Variants in GFRA3 observed in about 807,000 individuals in gnomAD.
GFRA3 encodes GDNF family receptor alpha-3.
In GFRA3, 24 loss-of-function variants were observed where a neutral mutation model predicts 40.0. The ratio of observed to expected loss-of-function variants is 0.60; its 90% CI spans 0.43 to 0.84. The LOEUF (loss-of-function observed/expected upper bound fraction) is 0.84, where lower values mean the gene tolerates loss of function less well. Ranked by LOEUF, GFRA3 falls within the 40% of genes least tolerant of loss-of-function variation. The pLI is 0.00. For synonymous variants in GFRA3, 203 were observed against 213.5 expected, an observed-to-expected ratio of 0.95 and a Z score of 0.43; for missense variants, 405 against 530.6, an observed-to-expected ratio of 0.76 and a Z score of 2.33.
intron 4 of GFRA3, among the ~76,000 whole-genome samples, chr5:138,255,849 G>A (rs1020536300): frequency 4.0e-5 from 6 of 149,972 alleles, no homozygotes; most frequent in Admixed American, 3.4e-4. Flanking sequence ...GCAGTAAGCC[G>A]AGATCACAAC....
Position 138,264,269 on chromosome 5 carries a change from C to A in GFRA3, c.371G>T (p.Arg124Leu). 1 of 1,593,720 alleles carries A rather than the reference C, an allele frequency of 6.3e-7. No homozygotes were observed. The highest frequency in any genetic ancestry group is 8.6e-7 in the Non-Finnish European group (1 of 1,164,454). The change falls in exon 2 of 8, where the codon CGC becomes CTC. Residue 124 changes from arginine (R) to leucine (L), a missense_variant. Transcript: ENST00000274721. ...LDIYWTVHRARSLGNYELDVS... is the reference protein window; with the variant it reads ...LDIYWTVHRALSLGNYELDVS... The stretch of plus-strand genomic sequence containing the variant: ...TATAATGGGAGCCTCACCAAGGCTG[C>A]GGGCACGGTGAACGGTCCAATAGAT...
intron 3 of GFRA3, among the ~76,000 whole-genome samples, chr5:138,259,212 TC>T (rs1554110345): frequency 6.6e-6 from 1 of 152,188 alleles, no homozygotes; most frequent in Non-Finnish European, 1.5e-5. Context: ...AAGGCTACTT[TC>T]CCAGCTGCCT....
intron 2 of GFRA3, among the ~76,000 whole-genome samples, chr5:138,261,623 G>T (rs1755711311): frequency 6.8e-6 from 1 of 146,624 alleles, no homozygotes; most frequent in Non-Finnish European, 1.5e-5. Flanking sequence ...GAACCCGGGA[G>T]GCAGAGGTTG....
chr5:138,268,461 T>G (rs1581513833), intron 1 of GFRA3, among the ~76,000 whole-genome samples: 1 of 147,788 alleles, frequency 6.8e-6, no homozygotes, highest in African/African-American at 2.5e-5. Context: ...ACTAAAGAGC[T>G]TTTGCACAGC....
intron 1 of GFRA3, among the ~76,000 whole-genome samples, chr5:138,271,909 T>TGTG (rs61550132): frequency 1.4e-4 from 14 of 99,690 alleles, no homozygotes; most frequent in South Asian, 8.7e-4. Flanking sequence ...TTTTTTTTTT[T>TGTG]TTTTTGTGTG....
chr5:138,274,506 TC>T lies in GFRA3; in HGVS notation c.-83del. ...GAGCGGGGCTCCCTCGACCGGCACC[TC>T]CCGCCCCCGCCTCCCGCCCTCCAGC... On this transcript the variant is annotated 5_prime_UTR_variant, in exon 1 of 8. Transcript: ENST00000274721. 1 of 1,236,894 alleles carries T rather than the reference TC, an allele frequency of 8.1e-7. No individual in the cohort carries two copies. Among genetic ancestry groups the T allele is most frequent in the Non-Finnish European group, 1.0e-6 (1 of 989,216 alleles). The allele number at this position is 1,236,894 out of a possible 1,614,324, so 76.6% of individuals were successfully genotyped here. A position where few individuals can be genotyped will look rare whatever the true frequency, so the allele number is the denominator to read the frequency against.
At chr5:138,272,479 CA>C (rs1280705212) in intron 1 of GFRA3, among the ~76,000 whole-genome samples, 1 of 148,532 alleles carries the variant, frequency 6.7e-6, no homozygotes, top group Non-Finnish European at 1.5e-5. Context: ...CCCGTCTCTA[CA>C]AAAAATACAA....
intron 2 of GFRA3, among the ~76,000 whole-genome samples, chr5:138,263,732 G>A (rs958567359): frequency 2.0e-5 from 3 of 152,208 alleles, no homozygotes; most frequent in African/African-American, 4.8e-5. Context: ...GCAAGTCACT[G>A]TTTTGTTACA....
chr5:138,261,693 C>CAAAAAAAAAAAAAAAAAAAAAA (rs70979598), intron 2 of GFRA3, among the ~76,000 whole-genome samples: 1 of 46,376 alleles, frequency 2.2e-5, no homozygotes, highest in Non-Finnish European at 3.8e-5. Context: ...GACTCTGTCT[C>CAAAAAAAAAAAAAAAAAAAAAA]AAAAAAAAAA....
Position 138,257,782 on chromosome 5 carries a change from G to A in GFRA3, c.642C>T (p.Gly214=), listed in dbSNP as rs376930738. 7.4e-6 allele frequency: 12 copies of A among 1,612,486 alleles called. No homozygotes were observed. The highest frequency in any genetic ancestry group is 8.5e-6 in the Non-Finnish European group (10 of 1,179,282). ...FEKAAEPHAQ[G]LLLCPCAPND... is the part of the protein sequence containing the mutation. ...TGGGGGCACATGGGCACAGTAGCAG[G>A]CCCTGCGCGTGGGGCTCGGCGGCCT... Residue 214 remains glycine, a synonymous_variant, in exon 4 of 8, where the codon GGC becomes GGT. Transcript: ENST00000274721.
intron 2 of GFRA3, among the ~76,000 whole-genome samples, chr5:138,260,504 C>T (rs1331878633): frequency 6.6e-6 from 1 of 152,202 alleles, no homozygotes; most frequent in African/African-American, 2.4e-5. Flanking sequence ...CACGGTGGCT[C>T]ACACCTGTAA....
At chr5:138,256,265 A>G (rs1755627610) in intron 4 of GFRA3, among the ~76,000 whole-genome samples, 1 of 150,766 alleles carries the variant, frequency 6.6e-6, no homozygotes, top group Non-Finnish European at 1.5e-5. Flanking sequence ...ACGGTGGCTT[A>G]TGCCTGTTAT....
intron 2 of GFRA3, among the ~76,000 whole-genome samples, chr5:138,260,352 G>A (rs1755692787): frequency 6.6e-6 from 1 of 152,190 alleles, no homozygotes; most frequent in Non-Finnish European, 1.5e-5. Flanking sequence ...ACAGAGACAA[G>A]GCCAACTCAT....
chr5:138,258,034 T>A, intron 3 of GFRA3, 83 bp from the exon 4 acceptor site: 1 of 1,109,170 alleles, frequency 9.0e-7, no homozygotes, highest in South Asian at 1.3e-5. Flanking sequence ...CGGAAACCCC[T>A]GATTTGACAA....
At chr5:138,261,685 C>A in intron 2 of GFRA3, among the ~76,000 whole-genome samples, 1 of 111,038 alleles carries the variant, frequency 9.0e-6, no homozygotes, top group Non-Finnish European at 1.7e-5. Flanking sequence ...CAGAGGAAGA[C>A]TCTGTCTCAA....
chr5:138,255,136 A>C (rs959201226), intron 4 of GFRA3, among the ~76,000 whole-genome samples: 1 of 152,054 alleles, frequency 6.6e-6, no homozygotes, highest in Non-Finnish European at 1.5e-5. Flanking sequence ...GAAGGAAGGA[A>C]GGAAAGAAGG....
At chr5:138,256,137 G>A (rs1314250770) in intron 4 of GFRA3, among the ~76,000 whole-genome samples, 8 of 148,824 alleles carry the variant, frequency 5.4e-5, no homozygotes, top group Non-Finnish European at 8.9e-5. Flanking sequence ...AGGCTGAGGG[G>A]GGAGTATCCC....
In GFRA3 at chr5:138,257,791, G is replaced by A. The variant is rs915081765; in HGVS notation, c.633C>T (p.His211=). The A allele has an allele frequency of 1.9e-6, 3 of 1,612,738 alleles. No individual in the cohort carries two copies. In the African/African-American group the frequency reaches 4.0e-5, roughly 22 times the overall value. The change falls in exon 4 of 8, where the codon CAC becomes CAT. Residue 211 remains histidine, a synonymous_variant. Transcript: ENST00000274721. The part of the protein sequence containing the change: ...LTFFEKAAEP[H]AQGLLLCPCA... ...ATGGGCACAGTAGCAGGCCCTGCGC[G>A]TGGGGCTCGGCGGCCTTCTCGAAGA...
At chr5:138,257,133 G>T (rs941827518) in intron 4 of GFRA3, among the ~76,000 whole-genome samples, 1 of 152,058 alleles carries the variant, frequency 6.6e-6, no homozygotes, top group Non-Finnish European at 1.5e-5. Context: ...GGAACCTTAG[G>T]TTTAGTGATG....
Sources: allele counts gnomAD v4.1 joint callset (sites outside exome capture counted in the v4.1 genomes callset), GRCh38; gene constraint gnomAD v4.1.1; transcripts MANE v1.5; gene names NCBI Gene and HGNC (gene_info 2026-07-23, HGNC 2026-07-21).